SOX6: variants seen among roughly 807,000 people sequenced by gnomAD.
The protein encoded by SOX6 is SRY-box transcription factor 6, also known as transcription factor SOX-6.
A neutral mutation model predicts 97.8 loss-of-function variants in SOX6; 11 were observed. The observed-to-expected ratio is 0.11, with a 90% CI of 0.07 to 0.19. The LOEUF is 0.19. Among genes scored for constraint, SOX6 ranks in the 10% least tolerant of loss-of-function variants. The pLI, the probability that SOX6 is intolerant of heterozygous loss-of-function variation, is 1.00. For missense variants in SOX6, 810 were observed against 1,039.5 expected (o/e 0.78, Z 3.04); for synonymous variants, 360 against 371.4 (o/e 0.97, Z 0.35).
intron 3 of SOX6, among the ~76,000 whole-genome samples, chr11:16,262,727 G>C (rs974069019): frequency 1.3e-5 from 2 of 151,970 alleles, no homozygotes; most frequent in African/African-American, 4.8e-5. Flanking sequence ...TGCAATAAAT[G>C]CCCCTGTGAC....
intron 3 of SOX6, among the ~76,000 whole-genome samples, chr11:16,688,299 TATG>T (rs1377895107): frequency 1.3e-5 from 2 of 152,184 alleles, no homozygotes; most frequent in African/African-American, 4.8e-5. Context: ...ATGAGTTTCT[TATG>T]ATTGGAGCTT....
chr11:16,091,732 T>C (rs1363656733), intron 9 of SOX6, among the ~76,000 whole-genome samples: 2 of 152,044 alleles, frequency 1.3e-5, no homozygotes, highest in Non-Finnish European at 2.9e-5. Flanking sequence ...GCTTTAAGAC[T>C]CTAACTATAT....
chr11:16,120,556 C>G (rs1050982777), intron 6 of SOX6, among the ~76,000 whole-genome samples: 2 of 125,786 alleles, frequency 1.6e-5, no homozygotes, highest in African/African-American at 6.0e-5. Flanking sequence ...AAAGAGCTAA[C>G]TTCACATATA....
intron 7 of SOX6, among the ~76,000 whole-genome samples, chr11:16,103,238 A>AAG (rs1399875488): frequency 6.6e-6 from 1 of 152,058 alleles, no homozygotes; most frequent in Non-Finnish European, 1.5e-5. Context: ...TTTTCAAAGG[A>AAG]AGATACACAA....
chr11:16,507,039 T>A (rs7944185), intron 4 of SOX6, among the ~76,000 whole-genome samples: 26,190 of 151,928 alleles, frequency 0.17, 2,303 homozygotes, highest in African/African-American at 0.2. Context: ...ACTCCAGCCA[T>A]GATAACGGAG....
intron 3 of SOX6, among the ~76,000 whole-genome samples, chr11:16,303,735 AGTCTCCTAGTAC>A (rs1855335670): frequency 6.6e-6 from 1 of 152,188 alleles, no homozygotes; most frequent in South Asian, 2.1e-4. Flanking sequence ...TACCATGTTG[AGTCTCCTAGTAC>A]ATGAATACAA....
At chr11:16,146,382 C>G (rs1589972779) in intron 6 of SOX6, among the ~76,000 whole-genome samples, 1 of 152,110 alleles carries the variant, frequency 6.6e-6, no homozygotes, top group Non-Finnish European at 1.5e-5. Context: ...AATGTTAGAC[C>G]TAAAACCATA....
chr11:16,633,603 A>G (rs916223994), intron 3 of SOX6, among the ~76,000 whole-genome samples: 2 of 152,244 alleles, frequency 1.3e-5, no homozygotes, highest in African/African-American at 4.8e-5. Context: ...ACAGACCCAG[A>G]GCAGCATGGA....
chr11:16,543,769 TC>T (rs1847583093), intron 4 of SOX6, among the ~76,000 whole-genome samples: 2 of 152,122 alleles, frequency 1.3e-5, no homozygotes, highest in Non-Finnish European at 2.9e-5. Context: ...ATTAGCACAC[TC>T]AATACATTGC....
intron 3 of SOX6, among the ~76,000 whole-genome samples, chr11:16,261,966 A>T (rs372945529): frequency 3.3e-5 from 5 of 152,064 alleles, no homozygotes; most frequent in African/African-American, 1.2e-4. Flanking sequence ...ATGAAAACAA[A>T]TTATCAACTA....
At chr11:16,465,146 A>G (rs1021878529) in intron 1 of SOX6, among the ~76,000 whole-genome samples, 2 of 152,000 alleles carry the variant, frequency 1.3e-5, no homozygotes, top group East Asian at 1.9e-4. Context: ...CTGACACTCA[A>G]CTCTCTTGTT....
chr11:16,436,565 T>G (rs1041424328), intron 1 of SOX6, among the ~76,000 whole-genome samples: 1 of 152,180 alleles, frequency 6.6e-6, no homozygotes, highest in Non-Finnish European at 1.5e-5. Context: ...CACAGAATCA[T>G]GTACACCTAA....
chr11:16,232,968 T>A (rs1369686868), intron 4 of SOX6, among the ~76,000 whole-genome samples: 2 of 152,118 alleles, frequency 1.3e-5, no homozygotes, highest in African/African-American at 2.4e-5. Context: ...CAATTTCCAC[T>A]GGTTTCGATA....
rs188189681 is a variant in SOX6 at position 16,065,142 on chromosome 11, T to C, written c.1102-9241A>G. On this transcript the variant is annotated intron_variant, in intron 9 of 15. Transcript: ENST00000683767. ...CCTGAAGACTCCACAAAAACCCTAT[T>C]AGAACTGATAAATACGTTCAGCAAA... Among the ~76,000 whole-genome samples, 74 of 152,162 alleles carry C rather than the reference T, an allele frequency of 4.9e-4. 1 individual carries two copies. The East Asian group carries it at 0.013, about 26-fold the overall frequency.
chr11:16,455,824 T>C (rs939016420), intron 1 of SOX6, among the ~76,000 whole-genome samples: 1 of 152,142 alleles, frequency 6.6e-6, no homozygotes, highest in African/African-American at 2.4e-5. Context: ...TTAACTATTA[T>C]ATGTATTTAT....
Position 16,235,897 on chromosome 11 carries a change from A to G in SOX6, c.446-1226T>C, listed in dbSNP as rs564768279. Among the ~76,000 whole-genome samples the G allele has an allele frequency of 2.0e-5, 3 of 152,216 alleles. No homozygotes were observed. The South Asian group carries it at 6.2e-4, about 32-fold the overall frequency. The stretch of plus-strand genomic sequence containing the variant: ...GTTAGAAAGTATTGGTGAAAAAACA[A>G]TTAACATTTGTCTGTGACACTATCA... On this transcript the variant is annotated intron_variant, in intron 3 of 15. Transcript: ENST00000683767.
intron 2 of SOX6, among the ~76,000 whole-genome samples, chr11:16,325,238 T>G (rs888249441): frequency 6.6e-6 from 1 of 152,076 alleles, no homozygotes; most frequent in Non-Finnish European, 1.5e-5. Flanking sequence ...CAAGGAAAGA[T>G]GTATTAAATG....
At chr11:16,682,649 CTG>C (rs923265829) in intron 3 of SOX6, among the ~76,000 whole-genome samples, 1 of 152,368 alleles carries the variant, frequency 6.6e-6, no homozygotes, top group East Asian at 1.9e-4. Flanking sequence ...TGGGCAAAAA[CTG>C]GAAGCATTCC....
At chr11:16,096,624 T>A (rs1358158116) in intron 8 of SOX6, among the ~76,000 whole-genome samples, 1 of 151,820 alleles carries the variant, frequency 6.6e-6, no homozygotes, top group Non-Finnish European at 1.5e-5. Context: ...CAAAATGATG[T>A]TTTTTCATGG....
Sources: allele counts gnomAD v4.1 joint callset (sites outside exome capture counted in the v4.1 genomes callset), GRCh38; gene constraint gnomAD v4.1.1; transcripts MANE v1.5; gene names NCBI Gene and HGNC (gene_info 2026-07-23, HGNC 2026-07-21).